FGFR1OP2: variants seen among roughly 807,000 people sequenced by gnomAD.
FGFR1OP2 encodes the protein FGFR1 oncogene partner 2.
FGFR1OP2 carries 17 observed loss-of-function variants against 35.2 expected under a neutral mutation model. The observed-to-expected ratio is 0.48, with a 90% CI of 0.33 to 0.73. FGFR1OP2 has a LOEUF of 0.73. Ranked by LOEUF, FGFR1OP2 falls within the 30% of genes least tolerant of loss-of-function variation. The probability of loss-of-function intolerance (pLI) is 0.02; values close to 1 mark genes in which losing one functional copy is unlikely to be tolerated. For synonymous variants in FGFR1OP2, 105 were observed against 104.6 expected, an observed-to-expected ratio of 1.00 and a Z score of -0.03; for missense variants, 251 against 307.3, an observed-to-expected ratio of 0.82 and a Z score of 1.37.
intron 3 of FGFR1OP2, 131 bp from the exon 4 acceptor site, chr12:26,957,470 G>A: frequency 1.3e-6 from 1 of 742,162 alleles, no homozygotes; most frequent in Non-Finnish European, 2.2e-6. Flanking sequence ...GTCTCTTATT[G>A]TTATATGGCT....
intron 5 of FGFR1OP2, chr12:26,962,461 ACCTC>A (rs1939117557): frequency 6.6e-6 from 1 of 152,190 alleles, no homozygotes; most frequent in South Asian, 2.1e-4. Context: ...ATGATAAAAT[ACCTC>A]TCAGTTGCTG....
intron 1 of FGFR1OP2, among the ~76,000 whole-genome samples, chr12:26,947,010 C>A (rs146425778): frequency 8.0e-4 from 122 of 152,014 alleles, no homozygotes; most frequent in African/African-American, 2.7e-3. Context: ...GGGCATCATT[C>A]CCCCCTACTT....
chr12:26,949,499 G>A (rs1330098281), intron 1 of FGFR1OP2, among the ~76,000 whole-genome samples: 7 of 152,072 alleles, frequency 4.6e-5, no homozygotes, highest in Non-Finnish European at 1.0e-4. Context: ...TGCTATCCAA[G>A]GTAAGTTTTC....
At chr12:26,938,792 C>G (rs972716972) in intron 1 of FGFR1OP2, 82 bp downstream of exon 1, 1 of 152,270 alleles carries the variant, frequency 6.6e-6, no homozygotes, top group Non-Finnish European at 1.5e-5. Flanking sequence ...TCGCCGGGGC[C>G]GGTGCCTTGC....
chr12:26,957,767 C>A, intron 4 of FGFR1OP2, 24 bp downstream of exon 4: 1 of 1,560,992 alleles, frequency 6.4e-7, no homozygotes. Flanking sequence ...TAAATGTGAC[C>A]TGAAATGGAA....
chr12:26,962,812 A>G (rs1440891627), intron 5 of FGFR1OP2: 2 of 152,250 alleles, frequency 1.3e-5, no homozygotes, highest in Non-Finnish European at 1.5e-5. Context: ...ATTTTATTCA[A>G]TACTTACCAT....
rs907574608 is a variant in FGFR1OP2 at position 26,953,073 on chromosome 12, T to C, written c.-14-1072T>C. On this transcript the variant is annotated intron_variant, in intron 1 of 6. Coordinates refer to ENST00000229395, the MANE Select transcript of FGFR1OP2 (RefSeq NM_015633.3). The stretch of plus-strand genomic sequence containing the variant: ...GTCAGGAGATCGAGACCATCCTGGC[T>C]AACACAGTGAAACCCCCGACTCTAC... 4.0e-5 allele frequency among the ~76,000 whole-genome samples: 6 copies of C among 151,810 alleles called. No individual in the cohort carries two copies. The South Asian group carries it at 8.3e-4, about 21-fold the overall frequency.
At chr12:26,963,028 A>G (rs950217026) in intron 5 of FGFR1OP2, 3 of 183,056 alleles carry the variant, frequency 1.6e-5, no homozygotes, top group Admixed American at 6.1e-5. Flanking sequence ...ACTTTGAACA[A>G]TAGTGTATGT....
Position 26,946,004 on chromosome 12 carries a change from G to A in FGFR1OP2, c.-15+7294G>A, listed in dbSNP as rs549717630. 7.0e-4 allele frequency among the ~76,000 whole-genome samples: 102 copies of A among 145,466 alleles called. 1 individual carries two copies. Among genetic ancestry groups the A allele is most frequent in the Admixed American group, 5.9e-3 (88 of 15,006 alleles). ...AATGTGTACTCTGCTGTTGTTGGTT[G>A]TAGCATTTCATAAATATCAATTCAA... On this transcript the variant is annotated intron_variant, in intron 1 of 6. Coordinates refer to ENST00000229395, the MANE Select transcript of FGFR1OP2 (RefSeq NM_015633.3).
At chr12:26,941,289 C>T (rs1035416983) in intron 1 of FGFR1OP2, among the ~76,000 whole-genome samples, 4 of 152,132 alleles carry the variant, frequency 2.6e-5, no homozygotes, top group Non-Finnish European at 4.4e-5. Context: ...GTTTGGAAAA[C>T]AGTCTTCTTC....
chr12:26,942,244 G>A (rs1213413331), intron 1 of FGFR1OP2, among the ~76,000 whole-genome samples: 1 of 152,204 alleles, frequency 6.6e-6, no homozygotes, highest in East Asian at 1.9e-4. Flanking sequence ...TGTTGGTCAG[G>A]CTGGTCTCGA....
At chr12:26,943,001 G>A (rs1020708787) in intron 1 of FGFR1OP2, among the ~76,000 whole-genome samples, 4 of 152,108 alleles carry the variant, frequency 2.6e-5, no homozygotes, top group Non-Finnish European at 5.9e-5. Context: ...TTAGTATCAT[G>A]TTTACAAAAA....
intron 1 of FGFR1OP2, among the ~76,000 whole-genome samples, chr12:26,945,766 C>T (rs1442454695): frequency 6.6e-6 from 1 of 150,504 alleles, no homozygotes; most frequent in Non-Finnish European, 1.5e-5. Flanking sequence ...GAGGCTGAGG[C>T]AGGAGAACCG....
At chr12:26,956,235 C>T (rs543081166) in intron 2 of FGFR1OP2, among the ~76,000 whole-genome samples, 3 of 151,892 alleles carry the variant, frequency 2.0e-5, no homozygotes, top group Non-Finnish European at 4.4e-5. Context: ...CAGTCATCCT[C>T]GTGGGATATA....
chr12:26,959,050 C>T (rs1166772), intron 4 of FGFR1OP2, among the ~76,000 whole-genome samples: 1 of 151,940 alleles, frequency 6.6e-6, no homozygotes, highest in Non-Finnish European at 1.5e-5. Context: ...GGTGCTTGTA[C>T]GTGTTTTTAA....
chr12:26,940,163 T>C (rs1425855961), intron 1 of FGFR1OP2, among the ~76,000 whole-genome samples: 1 of 152,236 alleles, frequency 6.6e-6, no homozygotes, highest in Non-Finnish European at 1.5e-5. Context: ...TTCTACTGAC[T>C]CCTTAGCCTG....
intron 6 of FGFR1OP2, among the ~76,000 whole-genome samples, 174 bp downstream of exon 6, chr12:26,963,629 T>C (rs1939134741): frequency 6.6e-6 from 1 of 152,184 alleles, no homozygotes; most frequent in South Asian, 2.1e-4. Flanking sequence ...TGCAAGAATC[T>C]AGGATTATTA....
At chr12:26,957,079 ATCT>A (rs935195356) in intron 3 of FGFR1OP2, among the ~76,000 whole-genome samples, 15 of 152,204 alleles carry the variant, frequency 9.9e-5, no homozygotes, top group African/African-American at 3.6e-4. Context: ...TTTTTTTTAA[ATCT>A]TCTTCCCACA....
rs913580181 is a variant in FGFR1OP2 at position 26,965,629 on chromosome 12, C to CT, written c.*906dup. On this transcript the variant is annotated 3_prime_UTR_variant, in exon 7 of 7. Transcript: ENST00000229395. ...GGGAATTCCTCTGGCTCATAGAACC[C>CT]TTTTTTTTTTCCTTTAAGTATTCTT... 22 of 143,570 alleles carry CT rather than the reference C, an allele frequency of 1.5e-4. No homozygotes were observed. Among genetic ancestry groups the CT allele is most frequent in the South Asian group, 4.5e-4 (2 of 4,494 alleles). The allele number at this position is 143,570 out of a possible 1,614,324, so 8.9% of individuals were successfully genotyped here.
Sources: allele counts gnomAD v4.1 joint callset (sites outside exome capture counted in the v4.1 genomes callset), GRCh38; gene constraint gnomAD v4.1.1; transcripts MANE v1.5; gene names NCBI Gene and HGNC (gene_info 2026-07-23, HGNC 2026-07-21).